RUNX1: variants seen among roughly 807,000 people sequenced by gnomAD.
The protein encoded by RUNX1 is RUNX family transcription factor 1.
RUNX1 carries 19 observed loss-of-function variants against 42.8 expected under a neutral mutation model. That is an observed-to-expected ratio of 0.44 (90% CI 0.31 to 0.65). The LOEUF (loss-of-function observed/expected upper bound fraction) is 0.65, where lower values mean the gene tolerates loss of function less well. Among genes scored for constraint, RUNX1 ranks in the 30% least tolerant of loss-of-function variants. RUNX1 has a pLI of 0.07. For synonymous variants in RUNX1, 271 were observed against 289.4 expected (o/e 0.94, Z 0.64); for missense variants, 528 against 672.0 (o/e 0.79, Z 2.37).
intron 2 of RUNX1, among the ~76,000 whole-genome samples, chr21:35,013,744 G>A (rs2059141382): frequency 6.6e-6 from 1 of 152,050 alleles, no homozygotes; most frequent in African/African-American, 2.4e-5. Context: ...TTATCCTAAG[G>A]CAGTAATCAG....
At chr21:34,947,904 A>C (rs185629395) in intron 2 of RUNX1, among the ~76,000 whole-genome samples, 1 of 152,204 alleles carries the variant, frequency 6.6e-6, no homozygotes, top group East Asian at 1.9e-4. Context: ...GCTGCGAGGA[A>C]GTATTTGCAG....
chr21:35,036,270 T>C (rs1212334775), intron 2 of RUNX1, among the ~76,000 whole-genome samples: 2 of 152,200 alleles, frequency 1.3e-5, no homozygotes, highest in African/African-American at 4.8e-5. Flanking sequence ...AGGAGCTTTA[T>C]GATTTTATTA....
chr21:34,976,039 G>C (rs1225995191), intron 2 of RUNX1, among the ~76,000 whole-genome samples: 1 of 151,728 alleles, frequency 6.6e-6, no homozygotes, highest in Non-Finnish European at 1.5e-5. Flanking sequence ...ACAAAATGTA[G>C]GTGAAAGCCA....
At chr21:35,010,922 T>C (rs2059122101) in intron 2 of RUNX1, among the ~76,000 whole-genome samples, 1 of 152,236 alleles carries the variant, frequency 6.6e-6, no homozygotes, top group Non-Finnish European at 1.5e-5. Context: ...CCAACAACTG[T>C]TCGAGAATGA....
chr21:34,940,018 T>C (rs1646385894), intron 2 of RUNX1, among the ~76,000 whole-genome samples: 1 of 152,180 alleles, frequency 6.6e-6, no homozygotes, highest in Non-Finnish European at 1.5e-5. Context: ...GGCTGGAGCA[T>C]TTCAGCCTCA....
intron 6 of RUNX1, among the ~76,000 whole-genome samples, chr21:34,837,716 T>C (rs373693864): frequency 2.0e-5 from 3 of 152,196 alleles, no homozygotes; most frequent in East Asian, 1.9e-4. Context: ...GGTCAAGCCC[T>C]TGGGTAGAAC....
intron 2 of RUNX1, among the ~76,000 whole-genome samples, chr21:35,040,799 C>T (rs1260361051): frequency 7.5e-6 from 1 of 133,796 alleles, no homozygotes; most frequent in African/African-American, 2.8e-5. Flanking sequence ...AAAAAACCAA[C>T]AACAAAAACT....
rs1217420692 is a variant in RUNX1 at position 34,792,602 on chromosome 21, C to T, written c.976G>A (p.Asp326Asn). The T allele has an allele frequency of 5.0e-6, 8 of 1,590,482 alleles. No individual in the cohort carries two copies. The highest frequency in any genetic ancestry group is 6.8e-6 in the Non-Finnish European group (8 of 1,168,918). ...ELSSRLSTAP[D>N]LTAFSDPRQF... The stretch of plus-strand genomic sequence containing the variant: ...CGCGGGTCGCTGAACGCTGTCAGGT[C>T]GGGTGCCGCTGCAGGGCGGGCAAGA... Residue 326 changes from aspartate (D) to asparagine (N), a missense_variant, in exon 9 of 9, where the codon GAC becomes AAC. Physicochemically the swap from Asp to Asn is conservative, Grantham distance 23. Transcript: ENST00000675419. The surrounding 1 kb of genome is among the most constrained non-coding windows in gnomAD (Gnocchi z 6.9).
chr21:34,826,425 T>C (rs978686756), intron 7 of RUNX1, among the ~76,000 whole-genome samples: 1 of 118,178 alleles, frequency 8.5e-6, no homozygotes. Context: ...TCTTTTGTTT[T>C]CTTTCTTTCT....
chr21:34,943,891 A>T (rs1231891207), intron 2 of RUNX1, among the ~76,000 whole-genome samples: 1 of 152,198 alleles, frequency 6.6e-6, no homozygotes, highest in African/African-American at 2.4e-5. Flanking sequence ...GCCGATATAG[A>T]GCATTTGCTT....
intron 7 of RUNX1, among the ~76,000 whole-genome samples, chr21:34,804,613 C>T (rs1254604210): frequency 6.6e-6 from 1 of 152,010 alleles, no homozygotes; most frequent in Non-Finnish European, 1.5e-5. Context: ...CAGAACCAGA[C>T]CCAGATGTGA....
intron 6 of RUNX1, among the ~76,000 whole-genome samples, chr21:34,836,000 T>C (rs1205638597): frequency 2.6e-5 from 4 of 152,252 alleles, no homozygotes; most frequent in African/African-American, 9.6e-5. Context: ...GCCAGGCCCC[T>C]TGGCACAGTT....
intron 2 of RUNX1, among the ~76,000 whole-genome samples, chr21:34,971,487 A>G (rs1372309765): frequency 6.6e-6 from 1 of 151,972 alleles, no homozygotes; most frequent in African/African-American, 2.4e-5. Flanking sequence ...TTCCAGATAC[A>G]TTTAAAATTT....
intron 2 of RUNX1, among the ~76,000 whole-genome samples, chr21:34,958,898 T>C (rs1463054604): frequency 1.3e-5 from 2 of 152,040 alleles, no homozygotes; most frequent in Non-Finnish European, 2.9e-5. Context: ...ATGTCCTTTG[T>C]AGGGACATGG....
chr21:34,805,250 A>C (rs1449221889), intron 7 of RUNX1, among the ~76,000 whole-genome samples: 1 of 152,248 alleles, frequency 6.6e-6, no homozygotes, highest in Non-Finnish European at 1.5e-5. Context: ...AAAAGATGTA[A>C]TGTGTAATTG....
At position 34,892,940 on chromosome 21, in the gene RUNX1, A is replaced by G; in HGVS notation, c.82T>C (p.Ser28Pro). The change falls in exon 3 of 9, where the codon TCT becomes CCT. Residue 28 changes from serine to proline, a missense_variant. Ser to Pro is a moderately conservative substitution (Grantham distance 74). Coordinates refer to ENST00000675419, the MANE Select transcript of RUNX1 (RefSeq NM_001754.5). The part of the protein sequence containing the change: ...MRECILGMNP[S>P]RDVHDASTSR... Reference sequence around the variant, plus strand: ...TTTAACATACCGTGGACGTCTCTAGAAGGATTCATTCCAAGTATGCATTCT... The same window carrying G: ...TTTAACATACCGTGGACGTCTCTAGGAGGATTCATTCCAAGTATGCATTCT... 1 of 1,573,390 alleles carries G rather than the reference A, an allele frequency of 6.4e-7. No individual in the cohort carries two copies. Among genetic ancestry groups the G allele is most frequent in the South Asian group, 1.1e-5 (1 of 89,838 alleles).
At chr21:35,021,125 T>C (rs948776951) in intron 2 of RUNX1, among the ~76,000 whole-genome samples, 6 of 152,350 alleles carry the variant, frequency 3.9e-5, no homozygotes, top group Admixed American at 6.5e-5. Context: ...TCCCCATGAC[T>C]GGCAAAGTAA....
intron 2 of RUNX1, among the ~76,000 whole-genome samples, chr21:34,932,541 AT>A (rs1395678004): frequency 6.6e-6 from 1 of 152,158 alleles, no homozygotes; most frequent in East Asian, 1.9e-4. Context: ...ATCTTTACCT[AT>A]GTAAAACAGT....
chr21:34,887,334 G>A (rs945853289), intron 3 of RUNX1: 2 of 1,445,406 alleles, frequency 1.4e-6, no homozygotes, highest in African/African-American at 2.8e-5. Context: ...ATCGGCCTCT[G>A]ACCCAGGATG....
Sources: allele counts gnomAD v4.1 joint callset (sites outside exome capture counted in the v4.1 genomes callset), GRCh38; gene constraint gnomAD v4.1.1; non-coding constraint Gnocchi (gnomAD v3.1); transcripts MANE v1.5; gene names NCBI Gene and HGNC (gene_info 2026-07-23, HGNC 2026-07-21).